Variants in MYZAP observed in about 807,000 individuals in gnomAD.
MYZAP encodes myocardial zonula adherens protein.
In MYZAP, 66 loss-of-function variants were observed where a neutral mutation model predicts 69.4. The ratio of observed to expected loss-of-function variants is 0.95; its 90% CI spans 0.78 to 1.17. MYZAP has a LOEUF of 1.17. MYZAP is among the 50% of genes most tolerant of loss of function. The probability of loss-of-function intolerance (pLI) is 0.00; values close to 1 mark genes in which losing one functional copy is unlikely to be tolerated. For missense variants in MYZAP, 611 were observed against 556.2 expected, an observed-to-expected ratio of 1.10 and a Z score of -0.99; for synonymous variants, 256 against 205.9, an observed-to-expected ratio of 1.24 and a Z score of -2.09.
intron 2 of MYZAP, among the ~76,000 whole-genome samples, chr15:57,609,130 C>A (rs1567203377): frequency 6.6e-6 from 1 of 152,220 alleles, no homozygotes; most frequent in Non-Finnish European, 1.5e-5. Flanking sequence ...CACATACACA[C>A]ACACAGAGAA....
At chr15:57,625,055 C>CT (rs537378113) in intron 4 of MYZAP, among the ~76,000 whole-genome samples, 4,229 of 143,500 alleles carry the variant, frequency 0.029, 172 homozygotes, top group African/African-American at 0.096. Flanking sequence ...CAAAACAACT[C>CT]TTTTTTTTTT....
chr15:57,622,872 T>C (rs559252997), intron 4 of MYZAP, among the ~76,000 whole-genome samples: 2 of 152,302 alleles, frequency 1.3e-5, no homozygotes, highest in African/African-American at 4.8e-5. Context: ...AACTTTGAAA[T>C]GAGAAACTCC....
At chr15:57,676,595 C>G (rs1309734129) in intron 12 of MYZAP, among the ~76,000 whole-genome samples, 1 of 151,950 alleles carries the variant, frequency 6.6e-6, no homozygotes, top group Non-Finnish European at 1.5e-5. Context: ...CGTTTCCCCC[C>G]TTTTTGTATT....
At chr15:57,629,877 T>A in intron 6 of MYZAP, 23 bp downstream of exon 6, 3 of 1,605,900 alleles carry the variant, frequency 1.9e-6, no homozygotes, top group Non-Finnish European at 2.5e-6. Context: ...AGCCTAGATT[T>A]ATTTTCTATG....
chr15:57,621,205 C>CTTTTTTTTTTTTTTTT (rs61201214), intron 3 of MYZAP, among the ~76,000 whole-genome samples: 90 of 127,292 alleles, frequency 7.1e-4, no homozygotes, highest in East Asian at 9.1e-4. Context: ...CTTTCTTTTT[C>CTTTTTTTTTTTTTTTT]TTTTTTTTTT....
chr15:57,613,433 T>C (rs1003540700), intron 2 of MYZAP, among the ~76,000 whole-genome samples: 2 of 152,094 alleles, frequency 1.3e-5, no homozygotes, highest in African/African-American at 4.8e-5. Flanking sequence ...TATAGTAGTA[T>C]GATCACAGCT....
intron 10 of MYZAP, chr15:57,646,250 C>T (rs2037441069): frequency 2.3e-6 from 3 of 1,288,220 alleles, no homozygotes; most frequent in South Asian, 1.2e-5. Context: ...ATTAGAAGAA[C>T]ACTTGTACAC....
chr15:57,658,554 A>G (rs2038119280), intron 10 of MYZAP, among the ~76,000 whole-genome samples: 1 of 152,234 alleles, frequency 6.6e-6, no homozygotes, highest in Non-Finnish European at 1.5e-5. Context: ...GAACTGAGTC[A>G]GTTGTCTTGT....
At chr15:57,627,990 C>T (rs2140421533) in intron 5 of MYZAP, among the ~76,000 whole-genome samples, 1 of 152,240 alleles carries the variant, frequency 6.6e-6, no homozygotes, top group African/African-American at 2.4e-5. Context: ...TTTCTTGATT[C>T]AAGTAGGTTT....
Position 57,605,623 on chromosome 15 carries a change from G to A in MYZAP, c.162+1268G>A, listed in dbSNP as rs76808240. ...TGCTGATGCAAATGATGAATGCCAG[G>A]GAAAGGAAGTAGGGAGAAAAGCAAA... On this transcript the variant is annotated intron_variant, in intron 2 of 12. Coordinates refer to ENST00000267853, the MANE Select transcript of MYZAP (RefSeq NM_001018100.5). 1.6e-3 allele frequency among the ~76,000 whole-genome samples: 242 copies of A among 152,286 alleles called. 4 individuals are homozygous for A. The East Asian group carries it at 0.04, about 25-fold the overall frequency.
intron 10 of MYZAP, among the ~76,000 whole-genome samples, chr15:57,642,123 G>C (rs1245858485): frequency 6.6e-6 from 1 of 152,204 alleles, no homozygotes. Context: ...CTTCATCATG[G>C]TTACGTTCTT....
chr15:57,610,860 C>G (rs1438761766), intron 2 of MYZAP, among the ~76,000 whole-genome samples: 1 of 152,134 alleles, frequency 6.6e-6, no homozygotes, highest in Non-Finnish European at 1.5e-5. Flanking sequence ...TTCCATTTTT[C>G]TAACCTTCTG....
At chr15:57,641,041 A>G (rs1054357078) in intron 10 of MYZAP, among the ~76,000 whole-genome samples, 11 of 152,164 alleles carry the variant, frequency 7.2e-5, no homozygotes, top group Admixed American at 3.9e-4. Flanking sequence ...TTTCACACGC[A>G]CGAAGTCTGG....
At chr15:57,681,755 A>G (rs2039457664) in intron 12 of MYZAP, among the ~76,000 whole-genome samples, 1 of 152,140 alleles carries the variant, frequency 6.6e-6, no homozygotes, top group South Asian at 2.1e-4. Flanking sequence ...ACTGCACTCC[A>G]GCCTGGGCAA....
chr15:57,638,953 T>A (rs188250431), intron 9 of MYZAP, among the ~76,000 whole-genome samples: 168 of 152,306 alleles, frequency 1.1e-3, no homozygotes, highest in Admixed American at 3.5e-3. Flanking sequence ...AAAAAAATTA[T>A]CTCTCAGCCC....
At chr15:57,638,931 T>A (rs552935333) in intron 9 of MYZAP, among the ~76,000 whole-genome samples, 29 of 152,304 alleles carry the variant, frequency 1.9e-4, no homozygotes, top group African/African-American at 6.5e-4. Flanking sequence ...TTCTCAGATC[T>A]GTAAATGGTG....
intron 11 of MYZAP, among the ~76,000 whole-genome samples, chr15:57,669,569 T>A (rs1398319012): frequency 6.6e-6 from 1 of 152,262 alleles, no homozygotes; most frequent in African/African-American, 2.4e-5. Context: ...TTGTTGATTT[T>A]AAAAAATAAT....
At chr15:57,617,592 G>A (rs1330072661) in intron 2 of MYZAP, among the ~76,000 whole-genome samples, 1 of 152,136 alleles carries the variant, frequency 6.6e-6, no homozygotes, top group African/African-American at 2.4e-5. Flanking sequence ...CCTACCCTCA[G>A]AGGACAGTTT....
intron 12 of MYZAP, among the ~76,000 whole-genome samples, chr15:57,676,611 AAAGCC>A (rs1296960793): frequency 6.6e-6 from 1 of 152,060 alleles, no homozygotes; most frequent in African/African-American, 2.4e-5. Flanking sequence ...GTATTTTTCA[AAAGCC>A]AAGTGGCCTA....
Sources: gnomAD v4.1 joint callset for allele counts (sites outside exome capture counted in the v4.1 genomes callset) on GRCh38, gnomAD v4.1.1 for gene constraint, MANE v1.5 for transcripts, NCBI Gene and HGNC (gene_info 2026-07-23, HGNC 2026-07-21) for gene names.